COL4A6: variants seen among roughly 807,000 people sequenced by gnomAD.
COL4A6 encodes the protein collagen type IV alpha 6 chain.
COL4A6 carries 59 observed loss-of-function variants against 126.7 expected under a neutral mutation model. That is an observed-to-expected ratio of 0.47 (90% CI 0.38 to 0.58). The LOEUF is 0.58. COL4A6 is among the 20% of genes least tolerant of loss of function. The pLI, the probability that COL4A6 is intolerant of heterozygous loss-of-function variation, is 0.00. For synonymous variants in COL4A6, 547 were observed against 496.6 expected (o/e 1.10, Z -1.35); for missense variants, 1,285 against 1,337.3 (o/e 0.96, Z 0.61).
chrX:108,380,831 G>A (rs1482321091), intron 2 of COL4A6, among the ~76,000 whole-genome samples: 4 of 111,991 alleles, frequency 3.6e-5, no homozygotes, highest in Non-Finnish European at 7.5e-5. Context: ...AATTACCAAA[G>A]TGATATGGGC....
At position 108,195,420 on chromosome X, in the gene COL4A6, C is replaced by T. The variant is rs139565944; in HGVS notation, c.904-294G>A. On this transcript the variant is annotated intron_variant, in intron 14 of 44. Coordinates refer to ENST00000334504, the MANE Select transcript of COL4A6 (RefSeq NM_033641.4). ...CCAAGTAGCTGGGGCTATAGGCGTGCGCCACCACGCTTGGCTAATTTTTGT... is the reference window on the plus strand; with the variant it reads ...CCAAGTAGCTGGGGCTATAGGCGTGTGCCACCACGCTTGGCTAATTTTTGT... Among the ~76,000 whole-genome samples, 554 of 111,398 alleles carry T rather than the reference C, an allele frequency of 5.0e-3. 3 individuals are homozygous for T. The highest frequency in any genetic ancestry group is 0.018 in the African/African-American group (539 of 30,640).
At chrX:108,306,346 G>T (rs1048782489) in intron 3 of COL4A6, among the ~76,000 whole-genome samples, 2 of 111,961 alleles carry the variant, frequency 1.8e-5, no homozygotes, top group Non-Finnish European at 3.8e-5. Flanking sequence ...CAGGCAGCTG[G>T]AGAAAGGCCT....
At chrX:108,405,164 T>C (rs1268866486) in intron 2 of COL4A6, among the ~76,000 whole-genome samples, 1 of 111,074 alleles carries the variant, frequency 9.0e-6, no homozygotes, top group Non-Finnish European at 1.9e-5. Context: ...AAATTTAGTA[T>C]CATGGGTTTT....
At chrX:108,173,942 C>T (rs1448831513) in intron 31 of COL4A6, among the ~76,000 whole-genome samples, 1 of 112,500 alleles carries the variant, frequency 8.9e-6, no homozygotes, top group East Asian at 2.8e-4. Context: ...AGCAAAACGT[C>T]AAGAAGTTTT....
At chrX:108,308,643 C>T (rs1659697725) in intron 3 of COL4A6, among the ~76,000 whole-genome samples, 1 of 111,929 alleles carries the variant, frequency 8.9e-6, no homozygotes, top group African/African-American at 3.2e-5. Flanking sequence ...GATTTTCACT[C>T]ATCATATTAG....
At chrX:108,421,328 A>G (rs763472978) in intron 2 of COL4A6, among the ~76,000 whole-genome samples, 2 of 112,452 alleles carry the variant, frequency 1.8e-5, no homozygotes, top group East Asian at 5.6e-4. Context: ...TCTCACAACC[A>G]CATGAGTTAG....
rs2033742616 is a variant in COL4A6, at chrX:108,156,519, G to T, written c.*481C>A. On this transcript the variant is annotated 3_prime_UTR_variant, in exon 45 of 45. Transcript: ENST00000334504. ...CACAGTGGGCCTCCTTGAAGAGTGA[G>T]GACTTGCTCTGTGCAGACTTGAGCC... is the stretch of plus-strand genomic sequence containing the variant. The T allele has an allele frequency of 8.5e-6, 1 of 118,340 alleles. No individual in the cohort carries two copies. Among genetic ancestry groups the T allele is most frequent in the Non-Finnish European group, 1.8e-5 (1 of 56,614 alleles). The allele number at this position is 118,340 out of a possible 1,213,427, so 9.8% of individuals were successfully genotyped here. A position where few individuals can be genotyped will look rare whatever the true frequency, so the allele number is the denominator to read the frequency against.
intron 2 of COL4A6, among the ~76,000 whole-genome samples, chrX:108,313,647 A>C (rs1214082035): frequency 1.8e-5 from 2 of 111,427 alleles, no homozygotes; most frequent in African/African-American, 6.5e-5. Context: ...TTAAGCAAAA[A>C]TTTTAAAAGC....
At position 108,206,508 on chromosome X, in the gene COL4A6, T is replaced by C. The variant is rs1458055410; in HGVS notation, c.609+10A>G. The C allele has an allele frequency of 3.3e-6, 4 of 1,203,362 alleles. No individual in the cohort carries two copies. Among genetic ancestry groups the C allele is most frequent in the Middle Eastern group, 2.3e-4 (1 of 4,347 alleles). ...ACTGTGATCACAAACTAGGCTTAAA[T>C]TGATCTTACTTGTAATCCTGGTGGT... On this transcript the variant is annotated intron_variant, in intron 9 of 44. Transcript: ENST00000334504.
intron 2 of COL4A6, among the ~76,000 whole-genome samples, chrX:108,315,114 C>T (rs914662829): frequency 8.9e-5 from 10 of 112,056 alleles, no homozygotes; most frequent in African/African-American, 3.2e-4. Context: ...ACATTTTATA[C>T]ATTGAAATGA....
chrX:108,156,913 G>T lies in COL4A6; in HGVS notation c.*87C>A. The T allele has an allele frequency of 1.0e-6, 1 of 973,257 alleles. No homozygotes were observed. The highest frequency in any genetic ancestry group is 1.4e-6 in the Non-Finnish European group (1 of 697,643). 80.2% of individuals were successfully genotyped at this position (973,257 alleles called of 1,213,427 possible). ...ACAACTTGACAGGCAAAGGGGCTCA[G>T]GCCTTCCTTCTTCAGACCATTCAGG... On this transcript the variant is annotated 3_prime_UTR_variant, in exon 45 of 45. Transcript: ENST00000334504.
At chrX:108,285,142 A>G (rs1378934623) in intron 3 of COL4A6, among the ~76,000 whole-genome samples, 2 of 111,758 alleles carry the variant, frequency 1.8e-5, no homozygotes, top group African/African-American at 6.5e-5. Context: ...CAAATCAGAT[A>G]GGGCACAGCA....
chrX:108,217,445 T>C (rs1001408116), intron 5 of COL4A6, among the ~76,000 whole-genome samples: 1 of 111,422 alleles, frequency 9.0e-6, no homozygotes, highest in Non-Finnish European at 1.9e-5. Flanking sequence ...CACTAGAGGT[T>C]GGAGTCAGCC....
intron 2 of COL4A6, among the ~76,000 whole-genome samples, chrX:108,380,826 C>T (rs1452981011): frequency 8.9e-6 from 1 of 111,770 alleles, no homozygotes; most frequent in African/African-American, 3.3e-5. Flanking sequence ...GCACAAATTA[C>T]CAAAGTGATA....
intron 22 of COL4A6, 117 bp downstream of exon 22, chrX:108,187,731 G>A: frequency 5.6e-6 from 4 of 710,783 alleles, no homozygotes; most frequent in Non-Finnish European, 8.0e-6. Context: ...GCAGAGGCAG[G>A]GCAAGGTCCT....
intron 2 of COL4A6, among the ~76,000 whole-genome samples, chrX:108,359,436 A>G (rs922161237): frequency 2.7e-5 from 3 of 112,588 alleles, no homozygotes; most frequent in African/African-American, 9.7e-5. Context: ...TATTTTTCCT[A>G]TTATCCTGTC....
At chrX:108,361,108 C>T (rs1431822032) in intron 2 of COL4A6, among the ~76,000 whole-genome samples, 4 of 111,233 alleles carry the variant, frequency 3.6e-5, no homozygotes, top group Non-Finnish European at 5.7e-5. Flanking sequence ...ATGACCCCTC[C>T]ATGCAATATT....
intron 3 of COL4A6, among the ~76,000 whole-genome samples, chrX:108,303,302 G>A (rs1239507017): frequency 9.0e-6 from 1 of 110,832 alleles, no homozygotes; most frequent in Non-Finnish European, 1.9e-5. Flanking sequence ...AGTCTTGAGG[G>A]AGAAAAGGGG....
Position 108,174,482 on chromosome X carries a change from C to A in COL4A6, c.3096G>T (p.Gly1032=), listed in dbSNP as rs761802073. 1 of 1,209,350 alleles carries A rather than the reference C, an allele frequency of 8.3e-7. No individual in the cohort carries two copies. Among genetic ancestry groups the A allele is most frequent in the Non-Finnish European group, 1.1e-6 (1 of 894,916 alleles). The change falls in exon 31 of 45, where the codon GGG becomes GGT. Residue 1032 remains glycine, a synonymous_variant. Coordinates refer to ENST00000334504, the MANE Select transcript of COL4A6 (RefSeq NM_033641.4). ...CTGGGAAACCTGTGATCCCAGAGGA[C>A]CCCTTCAGGCCAGGTAAGCCCCGGA... The part of the protein sequence containing the change: ...MGIRGLPGLK[G]SSGITGFPGM...
Sources: allele counts gnomAD v4.1 joint callset (sites outside exome capture counted in the v4.1 genomes callset), GRCh38; gene constraint gnomAD v4.1.1; transcripts MANE v1.5; gene names NCBI Gene and HGNC (gene_info 2026-07-23, HGNC 2026-07-21).